The following ABCB11 variants were observed in gnomAD, a reference collection of about 807,000 sequenced individuals.
ABCB11 encodes the protein ATP binding cassette subfamily B member 11, also known as bile salt export pump.
A neutral mutation model predicts 148.0 loss-of-function variants in ABCB11; 95 were observed. That is an observed-to-expected ratio of 0.64 (90% confidence interval 0.54 to 0.76). ABCB11 has a LOEUF of 0.76. ABCB11 is among the 30% of genes least tolerant of loss of function. ABCB11 has a pLI of 0.00. For missense variants in ABCB11, 1,523 were observed against 1,617.8 expected (o/e 0.94, Z 1.01); for synonymous variants, 591 against 555.4 (o/e 1.06, Z -0.90).
At chr2:168,971,334 G>C (rs1383195786) in intron 14 of ABCB11, among the ~76,000 whole-genome samples, 1 of 151,982 alleles carries the variant, frequency 6.6e-6, no homozygotes, top group Non-Finnish European at 1.5e-5. Context: ...GGCCATCGGT[G>C]GCAAAATCCA....
chr2:169,015,406 C>T (rs919454630), intron 3 of ABCB11, among the ~76,000 whole-genome samples: 7 of 152,162 alleles, frequency 4.6e-5, no homozygotes, highest in Admixed American at 1.3e-4. Context: ...TCTGAGACTC[C>T]CCACGGTCTG....
chr2:168,957,831 T>A, intron 19 of ABCB11, 133 bp downstream of exon 19: 1 of 912,454 alleles, frequency 1.1e-6, no homozygotes, highest in Non-Finnish European at 1.5e-6. Flanking sequence ...GCTTAGGAAA[T>A]TTTTCATTCT....
chr2:169,019,212 CA>C (rs1305260953), intron 1 of ABCB11, among the ~76,000 whole-genome samples: 1 of 151,896 alleles, frequency 6.6e-6, no homozygotes, highest in Non-Finnish European at 1.5e-5. Flanking sequence ...CACACATGTA[CA>C]AATAAAAGAG....
intron 5 of ABCB11, among the ~76,000 whole-genome samples, chr2:168,998,150 A>G (rs1476691071): frequency 6.6e-6 from 1 of 152,064 alleles, no homozygotes; most frequent in African/African-American, 2.4e-5. Flanking sequence ...AGAGTATACT[A>G]TATTATTATA....
At chr2:169,000,900 C>T (rs984192064) in intron 5 of ABCB11, among the ~76,000 whole-genome samples, 5 of 151,924 alleles carry the variant, frequency 3.3e-5, no homozygotes, top group African/African-American at 9.7e-5. Context: ...TCTGTGTTTG[C>T]TTTCTCTTAC....
At chr2:168,965,791 C>A (rs1050694938) in intron 17 of ABCB11, among the ~76,000 whole-genome samples, 4 of 151,778 alleles carry the variant, frequency 2.6e-5, no homozygotes, top group African/African-American at 9.7e-5. Context: ...TGAAATTTCA[C>A]CAAAACAAAT....
chr2:168,960,233 A>G (rs1693009629), intron 18 of ABCB11, among the ~76,000 whole-genome samples: 1 of 151,702 alleles, frequency 6.6e-6, no homozygotes, highest in African/African-American at 2.4e-5. Context: ...TCTGGTAACC[A>G]AAGTTCAGTA....
At chr2:168,995,504 T>C in intron 6 of ABCB11, 22 bp from the exon 7 acceptor site, 1 of 1,601,816 alleles carries the variant, frequency 6.2e-7, no homozygotes, top group Non-Finnish European at 8.5e-7. Context: ...CAAAGGAATG[T>C]TTAGCATTGC....
chr2:169,013,614 C>A (rs1695260451), intron 4 of ABCB11, 104 bp from the exon 5 acceptor site: 1 of 841,590 alleles, frequency 1.2e-6, no homozygotes, highest in Non-Finnish European at 1.9e-6. Flanking sequence ...TACTCAACAC[C>A]AAATTTCATG....
In ABCB11 at chr2:168,958,009, C is replaced by T. The variant is rs200087122; in HGVS notation, c.2298G>A (p.Gly766=). 1.2e-4 allele frequency: 191 copies of T among 1,609,202 alleles called. No individual in the cohort carries two copies. In the Middle Eastern group the frequency reaches 1.7e-3, roughly 14 times the overall value. ...AAAAGGCATACAAGGGTGTGACTGT[C>T]CCGTTCACAGCTGCACCCACAGACC... ...LVGSVGAAVN[G]TVTPLYAFLF... Residue 766 remains glycine, a synonymous_variant, in exon 19 of 28, where the codon GGG becomes GGA. Transcript: ENST00000650372.
At chr2:168,926,524 C>T (rs764547190) in intron 26 of ABCB11, among the ~76,000 whole-genome samples, 1 of 152,184 alleles carries the variant, frequency 6.6e-6, no homozygotes, top group Non-Finnish European at 1.5e-5. Flanking sequence ...CTCCAAATCT[C>T]AGGTGTTTCC....
chr2:169,001,105 C>T (rs1694858051), intron 5 of ABCB11, among the ~76,000 whole-genome samples: 1 of 152,160 alleles, frequency 6.6e-6, no homozygotes. Context: ...CCTCCCATTA[C>T]ATACCTCTAC....
chr2:168,965,201 T>C (rs1436579513), intron 17 of ABCB11, among the ~76,000 whole-genome samples: 1 of 151,738 alleles, frequency 6.6e-6, no homozygotes, highest in Admixed American at 6.6e-5. Flanking sequence ...AGAGAATGTA[T>C]AAACATAAGC....
downstream of ABCB11, among the ~76,000 whole-genome samples, chr2:168,916,950 G>A (rs373506581): frequency 2.0e-4 from 30 of 152,040 alleles, no homozygotes; most frequent in South Asian, 8.3e-4. Context: ...ATTTTCTTAC[G>A]ATAAGAAACT....
At chr2:168,963,755 G>C (rs1693176699) in intron 18 of ABCB11, among the ~76,000 whole-genome samples, 1 of 151,566 alleles carries the variant, frequency 6.6e-6, no homozygotes, top group Non-Finnish European at 1.5e-5. Context: ...TTGTAATAAG[G>C]GCTAGCCTAT....
chr2:168,930,930 A>ACAC, intron 24 of ABCB11, 68 bp from the exon 25 acceptor site: 1 of 1,384,128 alleles, frequency 7.2e-7, no homozygotes, highest in Non-Finnish European at 9.8e-7. Flanking sequence ...ACACACCTAA[A>ACAC]TCTTGAGTTT....
intron 5 of ABCB11, among the ~76,000 whole-genome samples, chr2:168,998,088 G>A (rs947030454): frequency 1.3e-5 from 2 of 151,972 alleles, no homozygotes; most frequent in Admixed American, 6.6e-5. Context: ...TAAACTTATC[G>A]ATGAATATCC....
chr2:168,931,118 T>G (rs1006553447), intron 24 of ABCB11, among the ~76,000 whole-genome samples: 1 of 152,210 alleles, frequency 6.6e-6, no homozygotes, highest in African/African-American at 2.4e-5. Flanking sequence ...TAAGGGGATT[T>G]TCTTGCCATC....
intron 3 of ABCB11, 136 bp from the exon 4 acceptor site, chr2:169,014,490 A>C (rs1695293811): frequency 2.6e-6 from 2 of 761,444 alleles, no homozygotes; most frequent in Admixed American, 4.5e-5. Context: ...GGCCAAACCT[A>C]GTATCTTAAA....
Sources: gnomAD v4.1 joint callset for allele counts (sites outside exome capture counted in the v4.1 genomes callset) on GRCh38, gnomAD v4.1.1 for gene constraint, MANE v1.5 for transcripts, NCBI Gene and HGNC (gene_info 2026-07-23, HGNC 2026-07-21) for gene names.